NARF: variants seen among roughly 807,000 people sequenced by gnomAD.
NARF encodes iron-only hydrogenase-like protein 2.
Under a neutral mutation model 48.0 loss-of-function variants are expected in NARF, and 41 were observed. That is an observed-to-expected ratio of 0.85 (90% CI 0.66 to 1.11). The LOEUF (loss-of-function observed/expected upper bound fraction) is 1.11, where lower values mean the gene tolerates loss of function less well. Ranked by LOEUF, NARF falls within the 50% of genes least tolerant of loss-of-function variation. The probability of loss-of-function intolerance (pLI) is 0.00; values close to 1 mark genes in which losing one functional copy is unlikely to be tolerated. For synonymous variants in NARF, 215 were observed against 225.5 expected (o/e 0.95, Z 0.42); for missense variants, 613 against 590.2 (o/e 1.04, Z -0.40).
chr17:82,469,255 TAAAC>T (rs1170975411), intron 4 of NARF, among the ~76,000 whole-genome samples: 2 of 152,220 alleles, frequency 1.3e-5, no homozygotes, highest in African/African-American at 4.8e-5. Flanking sequence ...GTGCATTTGA[TAAAC>T]AGTCACTTCT....
chr17:82,458,755 G>A lies in NARF; in HGVS notation c.-49G>A, dbSNP rs1057128797. 2.0e-6 allele frequency: 3 copies of A among 1,478,254 alleles called. No individual in the cohort carries two copies. The highest frequency in any genetic ancestry group is 2.8e-5 in the East Asian group (1 of 35,990). 91.6% of individuals were successfully genotyped at this position (1,478,254 alleles called of 1,614,324 possible). On this transcript the variant is annotated 5_prime_UTR_variant, in exon 1 of 11. The change creates a new upstream start codon in the 5' untranslated region. Coordinates refer to ENST00000309794, the MANE Select transcript of NARF (RefSeq NM_012336.4). Reference sequence around the variant, plus strand: ...CGGGCAGTGGTGTCCCAGTCTCCCGGTGCTTCCCTGAGGCTGAGGCGCCCG... The same window carrying A: ...CGGGCAGTGGTGTCCCAGTCTCCCGATGCTTCCCTGAGGCTGAGGCGCCCG...
chr17:82,479,491 C>T (rs1206892819), intron 6 of NARF, among the ~76,000 whole-genome samples: 11 of 152,204 alleles, frequency 7.2e-5, no homozygotes. Context: ...GTCGTGTTCT[C>T]CCTTCCCACA....
chr17:82,486,974 G>A (rs1038798215), intron 10 of NARF, among the ~76,000 whole-genome samples: 1 of 152,210 alleles, frequency 6.6e-6, no homozygotes, highest in African/African-American at 2.4e-5. Flanking sequence ...GCTGCCTCTG[G>A]TGCAGCCTCC....
At chr17:82,459,868 A>G in intron 1 of NARF, 124 bp from the exon 2 acceptor site, 1 of 788,784 alleles carries the variant, frequency 1.3e-6, no homozygotes, top group South Asian at 1.9e-5. Context: ...CTCCGTCTAA[A>G]AAAATAAATA....
chr17:82,470,715 C>T (rs561286968), intron 4 of NARF, among the ~76,000 whole-genome samples: 20 of 152,042 alleles, frequency 1.3e-4, no homozygotes, highest in African/African-American at 4.6e-4. Flanking sequence ...AGGATGGTCT[C>T]GATCTCCTGA....
chr17:82,473,572 C>T (rs955967296), intron 5 of NARF, among the ~76,000 whole-genome samples: 3 of 149,820 alleles, frequency 2.0e-5, no homozygotes, highest in East Asian at 2.0e-4. Context: ...AGGATGGTCT[C>T]GATCTCCTGA....
chr17:82,482,129 T>A (rs540062385), intron 7 of NARF: 5 of 305,170 alleles, frequency 1.6e-5, no homozygotes, highest in South Asian at 9.6e-5. Context: ...CGGAACTGTT[T>A]TAATTGGTCT....
chr17:82,484,342 G>A (rs537825663), intron 8 of NARF: 41 of 158,356 alleles, frequency 2.6e-4, no homozygotes, highest in African/African-American at 8.6e-4. Flanking sequence ...GTGCCCTTTT[G>A]GGGGAAGGTA....
At chr17:82,482,284 C>T (rs1176392558) in intron 7 of NARF, 1 of 416,834 alleles carries the variant, frequency 2.4e-6, no homozygotes, top group East Asian at 8.6e-5. Flanking sequence ...GGAAAGGTCC[C>T]CACCCCATAG....
At position 82,481,322 on chromosome 17, in the gene NARF, T is replaced by C. The variant is rs181163925; in HGVS notation, c.769+111T>C. Reference sequence around the variant, plus strand: ...AGAGCCATCTCAGTGCCTGCCAATGTGGTCGCTTGTCTGAAGTTACTGACA... The same window carrying C: ...AGAGCCATCTCAGTGCCTGCCAATGCGGTCGCTTGTCTGAAGTTACTGACA... On this transcript the variant is annotated intron_variant, in intron 7 of 10. Coordinates refer to ENST00000309794, the MANE Select transcript of NARF (RefSeq NM_012336.4). 11,934 of 1,504,582 alleles carry C rather than the reference T, an allele frequency of 7.9e-3. 78 individuals are homozygous for C. Among genetic ancestry groups the C allele is most frequent in the Non-Finnish European group, 0.01 (11,269 of 1,117,756 alleles). 93.2% of individuals were successfully genotyped at this position (1,504,582 alleles called of 1,614,324 possible). A position where few individuals can be genotyped will look rare whatever the true frequency, so the allele number is the denominator to read the frequency against.
At chr17:82,479,582 T>C (rs1047923376) in intron 6 of NARF, among the ~76,000 whole-genome samples, 4 of 152,200 alleles carry the variant, frequency 2.6e-5, no homozygotes, top group Non-Finnish European at 5.9e-5. Context: ...TCCCATGGTT[T>C]ATTCTCCAGC....
At chr17:82,462,060 C>G in intron 2 of NARF, among the ~76,000 whole-genome samples, 1 of 152,214 alleles carries the variant, frequency 6.6e-6, no homozygotes, top group East Asian at 1.9e-4. Context: ...TATCTAAGCC[C>G]TGTGAGCCTC....
At chr17:82,485,074 CT>C in intron 9 of NARF, 124 bp downstream of exon 9, 1 of 1,252,244 alleles carries the variant, frequency 8.0e-7, no homozygotes, top group Non-Finnish European at 1.1e-6. Flanking sequence ...ATCAAAAGGA[CT>C]TTTTTGTGTT....
At chr17:82,467,212 A>G (rs943418041) in intron 3 of NARF, among the ~76,000 whole-genome samples, 8 of 149,644 alleles carry the variant, frequency 5.3e-5, no homozygotes, top group African/African-American at 2.0e-4. Flanking sequence ...ATGTCTGGCT[A>G]GCTTTTGTAT....
intron 7 of NARF, chr17:82,483,334 G>A: frequency 6.4e-6 from 2 of 311,440 alleles, no homozygotes; most frequent in South Asian, 2.4e-5. Context: ...AAAAAAAAAT[G>A]CAACCAGTGT....
chr17:82,485,470 T>A (rs1226152921), intron 9 of NARF, 27 bp from the exon 10 acceptor site: 2 of 1,609,244 alleles, frequency 1.2e-6, no homozygotes, highest in Admixed American at 1.7e-5. Context: ...ACTTGATGGA[T>A]CAAAATTCTC....
chr17:82,478,546 TCTTA>T (rs1391523773), intron 5 of NARF: 1 of 574,514 alleles, frequency 1.7e-6, no homozygotes. Context: ...TTACTCCGAC[TCTTA>T]CTTGTCTGTC....
rs201703328 is a variant in NARF at position 82,484,845 on chromosome 17, G to A, written c.866G>A (p.Arg289His). Residue 289 changes from arginine to histidine, a missense_variant, in exon 9 of 11, where the codon CGT becomes CAT. By Grantham distance (29) the Arg-to-His change is conservative (BLOSUM62 0). Transcript: ENST00000309794. ...FGDLKEDKVT[R>H]HDGASSDGHL... ...GACTTGAAGGAGGACAAAGTGACGC[G>A]TCATGATGGAGCCAGCTCAGACGGG... 591 of 1,609,816 alleles carry A rather than the reference G, an allele frequency of 3.7e-4. No homozygotes were observed. Among genetic ancestry groups the A allele is most frequent in the Non-Finnish European group, 4.8e-4 (562 of 1,177,990 alleles).
chr17:82,458,624 A>G (rs928203711), upstream of NARF: 14 of 733,908 alleles, frequency 1.9e-5, no homozygotes, highest in Admixed American at 4.3e-5. Flanking sequence ...GGGGAATCCT[A>G]TTGGCCCAGG....
Sources: gnomAD v4.1 joint callset for allele counts (sites outside exome capture counted in the v4.1 genomes callset) on GRCh38, gnomAD v4.1.1 for gene constraint, MANE v1.5 for transcripts, NCBI Gene and HGNC (gene_info 2026-07-23, HGNC 2026-07-21) for gene names.